Variants in CDC42BPA observed in about 807,000 individuals in gnomAD.
CDC42BPA encodes the protein CDC42 binding protein kinase alpha.
CDC42BPA carries 80 observed loss-of-function variants against 223.5 expected under a neutral mutation model. That is an observed-to-expected ratio of 0.36 (90% confidence interval 0.30 to 0.43). CDC42BPA has a LOEUF of 0.43. Ranked by LOEUF, CDC42BPA falls within the 20% of genes least tolerant of loss-of-function variation. The pLI, the probability that CDC42BPA is intolerant of heterozygous loss-of-function variation, is 1.00. For missense variants in CDC42BPA, 1,743 were observed against 2,099.9 expected, an observed-to-expected ratio of 0.83 and a Z score of 3.32; for synonymous variants, 694 against 718.6, an observed-to-expected ratio of 0.97 and a Z score of 0.55.
chr1:227,072,074 A>G, intron 20 of CDC42BPA, 134 bp downstream of exon 20: 4 of 544,474 alleles, frequency 7.3e-6, no homozygotes. Context: ...ATACACACGT[A>G]TATTCATAAA....
intron 4 of CDC42BPA, among the ~76,000 whole-genome samples, chr1:227,195,543 A>G (rs1241308452): frequency 6.6e-6 from 1 of 152,198 alleles, no homozygotes; most frequent in Non-Finnish European, 1.5e-5. Flanking sequence ...CTATTTTCTT[A>G]TAGACAGAGT....
At chr1:227,259,217 A>G (rs1231606297) in intron 1 of CDC42BPA, among the ~76,000 whole-genome samples, 2 of 150,908 alleles carry the variant, frequency 1.3e-5, no homozygotes, top group Admixed American at 1.3e-4. Context: ...TTAACTGGCC[A>G]GTGTTAACTG....
In CDC42BPA at chr1:227,209,786, A is replaced by G. The variant is rs1326228964; in HGVS notation, c.354+3350T>C. On this transcript the variant is annotated intron_variant, in intron 3 of 36. Transcript: ENST00000366766. ...GTATTTTATTGAGGATTTTTGCATC[A>G]ATGTTCATCAAGGATATTGGTCTAA... 4.7e-5 allele frequency among the ~76,000 whole-genome samples: 7 copies of G among 149,978 alleles called. No homozygotes were observed. In the East Asian group the frequency reaches 1.4e-3, roughly 29 times the overall value.
chr1:227,099,378 A>G (rs1285582372), intron 15 of CDC42BPA, among the ~76,000 whole-genome samples: 3 of 152,004 alleles, frequency 2.0e-5, no homozygotes, highest in Non-Finnish European at 4.4e-5. Flanking sequence ...GTTGTGACTC[A>G]CCGAGAGCAA....
rs530593335 is a variant in CDC42BPA at position 227,103,314 on chromosome 1, C to T, written c.2002-2075G>A. ...ATAAGATAAACACAAATCAATACTTCCAGATATTAAAATAAGCAATAAACA... is the reference window on the plus strand; with the variant it reads ...ATAAGATAAACACAAATCAATACTTTCAGATATTAAAATAAGCAATAAACA... On this transcript the variant is annotated intron_variant, in intron 14 of 36. Coordinates refer to ENST00000366766, the MANE Select transcript of CDC42BPA (RefSeq NM_001394014.1). Among the ~76,000 whole-genome samples, 7 of 151,920 alleles carry T rather than the reference C, an allele frequency of 4.6e-5. No individual in the cohort carries two copies. In the South Asian group the frequency reaches 1.2e-3, roughly 27 times the overall value.
intron 1 of CDC42BPA, among the ~76,000 whole-genome samples, chr1:227,314,484 TTTC>T (rs1280406797): frequency 4.6e-5 from 7 of 152,070 alleles, no homozygotes; most frequent in Non-Finnish European, 8.8e-5. Flanking sequence ...AATTGTCAGT[TTTC>T]TTATTGTTTT....
At position 227,254,058 on chromosome 1, in the gene CDC42BPA, T is replaced by G; in HGVS notation, c.270+6A>C. ...GCAGACCTTCTATCAAATCTTAATC[T>G]CTTACCTCCCCAAAAGCTCCTCGAC... On this transcript the variant is annotated splice_donor_region_variant and intron_variant, in intron 2 of 36. Transcript: ENST00000366766. 6.6e-7 allele frequency: 1 copy of G among 1,513,302 alleles called. No individual in the cohort carries two copies. Among genetic ancestry groups the G allele is most frequent in the South Asian group, 1.2e-5 (1 of 86,772 alleles). 93.7% of individuals were successfully genotyped at this position (1,513,302 alleles called of 1,614,324 possible). A position where few individuals can be genotyped will look rare whatever the true frequency, so the allele number is the denominator to read the frequency against.
At chr1:227,117,129 T>C (rs1687891137) in intron 12 of CDC42BPA, among the ~76,000 whole-genome samples, 1 of 152,174 alleles carries the variant, frequency 6.6e-6, no homozygotes, top group South Asian at 2.1e-4. Context: ...AGGGTATTTC[T>C]CTTGGGGTAA....
chr1:227,172,228 T>C lies in CDC42BPA; in HGVS notation c.600-11592A>G, dbSNP rs191514258. On this transcript the variant is annotated intron_variant, in intron 5 of 36. Coordinates refer to ENST00000366766, the MANE Select transcript of CDC42BPA (RefSeq NM_001394014.1). ...TTCTTTATGGAACATTAATTTGGGG[T>C]TCATCCTACATTTGAGAAAACAGTT... Among the ~76,000 whole-genome samples, 145 of 152,252 alleles carry C rather than the reference T, an allele frequency of 9.5e-4. 1 individual carries two copies. Among genetic ancestry groups the C allele is most frequent in the African/African-American group, 3.2e-3 (133 of 41,548 alleles).
chr1:227,148,771 GCAAAAAAAAAAAAAAAA>G (rs1474061201), intron 6 of CDC42BPA, among the ~76,000 whole-genome samples: 1 of 7,712 alleles, frequency 1.3e-4, no homozygotes, highest in Non-Finnish European at 1.9e-4. Context: ...GGTCTCAAAA[GCAAAAAAAAAAAAAAAA>G]AAAAAAAAAA....
chr1:227,170,991 A>G (rs1666005733), intron 5 of CDC42BPA, among the ~76,000 whole-genome samples: 1 of 152,212 alleles, frequency 6.6e-6, no homozygotes, highest in South Asian at 2.1e-4. Context: ...TCTGGCATTC[A>G]AAACCACTCT....
chr1:227,037,352 T>C (rs1211037489), intron 24 of CDC42BPA, among the ~76,000 whole-genome samples: 1 of 152,242 alleles, frequency 6.6e-6, no homozygotes, highest in African/African-American at 2.4e-5. Context: ...AATCTACATG[T>C]ACTTCCTGGA....
intron 1 of CDC42BPA, among the ~76,000 whole-genome samples, chr1:227,294,643 G>T (rs1471880403): frequency 1.4e-5 from 1 of 73,564 alleles, no homozygotes; most frequent in Non-Finnish European, 2.8e-5. Context: ...GGCGGATCAC[G>T]AGGTCAGGAG....
intron 24 of CDC42BPA, 113 bp downstream of exon 24, chr1:227,040,017 CA>C (rs869046207): frequency 1.4e-6 from 1 of 716,972 alleles, no homozygotes; most frequent in Admixed American, 2.5e-5. Context: ...TCCTGTTATG[CA>C]AAAAAGCAAA....
chr1:227,224,926 T>G (rs1254707959), intron 2 of CDC42BPA, among the ~76,000 whole-genome samples: 2 of 152,162 alleles, frequency 1.3e-5, no homozygotes, highest in African/African-American at 2.4e-5. Flanking sequence ...GAGCACCTAC[T>G]ACGCACTAGA....
At chr1:227,104,559 G>A (rs934641978) in intron 14 of CDC42BPA, among the ~76,000 whole-genome samples, 3 of 152,144 alleles carry the variant, frequency 2.0e-5, no homozygotes, top group East Asian at 3.8e-4. Flanking sequence ...AGTGAAAAAT[G>A]TAAGTGTATG....
intron 5 of CDC42BPA, among the ~76,000 whole-genome samples, chr1:227,181,496 G>C (rs1667924489): frequency 6.6e-6 from 1 of 152,006 alleles, no homozygotes; most frequent in Non-Finnish European, 1.5e-5. Flanking sequence ...TGATAAACAT[G>C]GCTTTTTCCA....
chr1:227,158,422 A>T (rs956098240), intron 6 of CDC42BPA, among the ~76,000 whole-genome samples: 1 of 151,924 alleles, frequency 6.6e-6, no homozygotes, highest in African/African-American at 2.4e-5. Flanking sequence ...ATAAGATGTT[A>T]TAGAGAGTAT....
chr1:227,303,585 C>A (rs899943854), intron 1 of CDC42BPA, among the ~76,000 whole-genome samples: 1 of 152,166 alleles, frequency 6.6e-6, no homozygotes, highest in African/African-American at 2.4e-5. Flanking sequence ...TGTACTTTAG[C>A]CCTACCCATA....
Sources: gnomAD v4.1 joint callset for allele counts (sites outside exome capture counted in the v4.1 genomes callset) on GRCh38, gnomAD v4.1.1 for gene constraint, MANE v1.5 for transcripts, NCBI Gene and HGNC (gene_info 2026-07-23, HGNC 2026-07-21) for gene names.